SORCS1: variants seen among roughly 807,000 people sequenced by gnomAD.
SORCS1 encodes sortilin related VPS10 domain containing receptor 1, also known as VPS10 domain-containing receptor SorCS1.
In SORCS1, 60 loss-of-function variants were observed where a neutral mutation model predicts 146.1. The observed-to-expected ratio is 0.41, with a 90% CI of 0.33 to 0.51. The LOEUF is 0.51. Ranked by LOEUF, SORCS1 falls within the 20% of genes least tolerant of loss-of-function variation. The pLI, the probability that SORCS1 is intolerant of heterozygous loss-of-function variation, is 0.21. For missense variants in SORCS1, 1,352 were observed against 1,487.6 expected (o/e 0.91, Z 1.50); for synonymous variants, 637 against 584.0 (o/e 1.09, Z -1.31).
At chr10:106,763,255 C>A (rs1400176587) in intron 4 of SORCS1, among the ~76,000 whole-genome samples, 3 of 152,178 alleles carry the variant, frequency 2.0e-5, no homozygotes, top group Non-Finnish European at 1.5e-5. Flanking sequence ...CCTGCTCCCA[C>A]AGAGAATTCA....
At chr10:106,724,724 A>G (rs765559716) in intron 6 of SORCS1, among the ~76,000 whole-genome samples, 1 of 152,196 alleles carries the variant, frequency 6.6e-6, no homozygotes, top group Non-Finnish European at 1.5e-5. Flanking sequence ...AATTCACAAC[A>G]CACTCCATGG....
At chr10:107,063,700 A>G (rs1412665822) in intron 1 of SORCS1, among the ~76,000 whole-genome samples, 1 of 152,188 alleles carries the variant, frequency 6.6e-6, no homozygotes, top group African/African-American at 2.4e-5. Flanking sequence ...TCTTCCTGAC[A>G]GGGACTTAGC....
chr10:106,942,577 C>T lies in SORCS1; in HGVS notation c.626+13936G>A, dbSNP rs114601401. 3.5e-3 allele frequency among the ~76,000 whole-genome samples: 537 copies of T among 152,324 alleles called. 5 individuals are homozygous for T. Among genetic ancestry groups the T allele is most frequent in the African/African-American group, 0.012 (510 of 41,574 alleles). The stretch of plus-strand genomic sequence containing the variant: ...TTCCAAAATGTCAAGTCCCATCTCA[C>T]GTCCATCTCCCACTCAACATACAAC... On this transcript the variant is annotated intron_variant, in intron 2 of 25. Coordinates refer to ENST00000263054, the MANE Select transcript of SORCS1 (RefSeq NM_052918.5).
intron 23 of SORCS1, among the ~76,000 whole-genome samples, chr10:106,598,694 T>G (rs1468069784): frequency 6.6e-6 from 1 of 152,164 alleles, no homozygotes; most frequent in East Asian, 1.9e-4. Flanking sequence ...AATTCTTAAT[T>G]TTTTTTTCCT....
chr10:106,742,314 C>T (rs188789000), intron 5 of SORCS1, among the ~76,000 whole-genome samples: 98 of 152,254 alleles, frequency 6.4e-4, no homozygotes, highest in Middle Eastern at 6.8e-3. Flanking sequence ...AGGGATGGAA[C>T]GCAAGTCTAA....
chr10:106,749,448 C>T (rs1370653968), intron 5 of SORCS1, among the ~76,000 whole-genome samples: 2 of 152,172 alleles, frequency 1.3e-5, no homozygotes, highest in Admixed American at 1.3e-4. Flanking sequence ...TCTTTGCAGT[C>T]CTACCTAAGC....
At chr10:106,822,717 C>G (rs1948100569) in intron 3 of SORCS1, among the ~76,000 whole-genome samples, 1 of 150,100 alleles carries the variant, frequency 6.7e-6, no homozygotes, top group African/African-American at 2.5e-5. Flanking sequence ...GATTTACTTA[C>G]TACACGTCAC....
At chr10:106,957,450 G>A (rs905118528) in intron 1 of SORCS1, among the ~76,000 whole-genome samples, 2 of 152,056 alleles carry the variant, frequency 1.3e-5, no homozygotes, top group African/African-American at 4.8e-5. Context: ...GGGATTACAG[G>A]TGTGAGCCAC....
intron 2 of SORCS1, among the ~76,000 whole-genome samples, chr10:106,898,524 C>CAT (rs1447144617): frequency 5.3e-5 from 8 of 152,182 alleles, no homozygotes. Flanking sequence ...CACTGGAAAC[C>CAT]TCCCAGCATC....
rs187851573 is a variant in SORCS1, at chr10:106,748,832, T to G, written c.959+12756A>C. Among the ~76,000 whole-genome samples, 646 of 152,310 alleles carry G rather than the reference T, an allele frequency of 4.2e-3. 3 individuals carry two copies. Among genetic ancestry groups the G allele is most frequent in the Non-Finnish European group, 7.2e-3 (489 of 68,038 alleles). ...TTTTCTGCAGAAAATATGTCAATAT[T>G]GATTATATTGACTAATCCTACATCT... is the stretch of plus-strand genomic sequence containing the variant. On this transcript the variant is annotated intron_variant, in intron 5 of 25. Transcript: ENST00000263054.
chr10:106,842,937 T>C (rs760728653), intron 2 of SORCS1, among the ~76,000 whole-genome samples: 3 of 152,224 alleles, frequency 2.0e-5, no homozygotes, highest in Non-Finnish European at 2.9e-5. Context: ...TTAATAGTTA[T>C]GTGCATGTGT....
chr10:106,699,160 A>C lies in SORCS1; in HGVS notation c.1413+54T>G, dbSNP rs1008394115. 9.4e-6 allele frequency: 14 copies of C among 1,489,516 alleles called. No individual in the cohort carries two copies. In the South Asian group the frequency reaches 1.8e-4, roughly 19 times the overall value. The allele number at this position is 1,489,516 out of a possible 1,614,324, so 92.3% of individuals were successfully genotyped here. A position where few individuals can be genotyped will look rare whatever the true frequency, so the allele number is the denominator to read the frequency against. On this transcript the variant is annotated intron_variant, in intron 9 of 25. Transcript: ENST00000263054. The stretch of plus-strand genomic sequence containing the variant: ...GGAAAAGAGTCCATGCGGGGCTTCC[A>C]TCAGCCAGCTGGGCACTGCTGTGGC...
chr10:107,119,545 G>A (rs1966263729), intron 1 of SORCS1, among the ~76,000 whole-genome samples: 1 of 152,024 alleles, frequency 6.6e-6, no homozygotes, highest in African/African-American at 2.4e-5. Flanking sequence ...TGTTTTATTA[G>A]GAAAATGGAG....
chr10:107,045,936 C>T (rs1392740269), intron 1 of SORCS1, among the ~76,000 whole-genome samples: 1 of 151,660 alleles, frequency 6.6e-6, no homozygotes, highest in Non-Finnish European at 1.5e-5. Context: ...AGGTGGATGC[C>T]ACCATGCCTA....
intron 1 of SORCS1, among the ~76,000 whole-genome samples, chr10:107,014,461 C>T (rs1279062492): frequency 6.6e-6 from 1 of 152,044 alleles, no homozygotes; most frequent in Non-Finnish European, 1.5e-5. Flanking sequence ...CAAAAGTTTG[C>T]AAAGTTTTCT....
chr10:106,773,958 A>AT (rs1241685098), intron 4 of SORCS1, among the ~76,000 whole-genome samples: 1 of 152,162 alleles, frequency 6.6e-6, no homozygotes, highest in Non-Finnish European at 1.5e-5. Context: ...CAAAAAAAAA[A>AT]AGAATGAGAA....
rs965929139 is a variant in SORCS1 at position 106,726,193 on chromosome 10, T to C, written c.1024+3857A>G. Among the ~76,000 whole-genome samples, 7 of 142,900 alleles carry C rather than the reference T, an allele frequency of 4.9e-5. 1 individual carries two copies. Among genetic ancestry groups the C allele is most frequent in the African/African-American group, 1.6e-4 (6 of 38,452 alleles). 93.7% of individuals were successfully genotyped at this position (142,900 alleles called of 152,430 possible). ...ACAATCTCTTTCCCTCTCTTTTTTT[T>C]TTTTTTTTTTTTTTACACTGTGACA... is the stretch of plus-strand genomic sequence containing the variant. On this transcript the variant is annotated intron_variant, in intron 6 of 25. Coordinates refer to ENST00000263054, the MANE Select transcript of SORCS1 (RefSeq NM_052918.5).
intron 2 of SORCS1, among the ~76,000 whole-genome samples, chr10:106,899,996 A>G (rs10884373): frequency 0.3 from 45,487 of 151,540 alleles, 7,616 homozygotes; most frequent in Non-Finnish European, 0.39. Context: ...TGAGATGTCC[A>G]TCTCTTCCTT....
At chr10:106,912,799 C>T (rs1952228751) in intron 2 of SORCS1, among the ~76,000 whole-genome samples, 1 of 152,122 alleles carries the variant, frequency 6.6e-6, no homozygotes, top group Admixed American at 6.5e-5. Context: ...CTGCCTCAGC[C>T]TCCTGAGTAG....
Sources: allele counts gnomAD v4.1 joint callset (sites outside exome capture counted in the v4.1 genomes callset), GRCh38; gene constraint gnomAD v4.1.1; transcripts MANE v1.5; gene names NCBI Gene and HGNC (gene_info 2026-07-23, HGNC 2026-07-21).